CASZ1: variants seen among roughly 807,000 people sequenced by gnomAD.
CASZ1 encodes castor zinc finger 1, also known as zinc finger protein castor homolog 1.
A neutral mutation model predicts 135.2 loss-of-function variants in CASZ1; 28 were observed. That is an observed-to-expected ratio of 0.21 (90% CI 0.15 to 0.28). The LOEUF is 0.28. CASZ1 is among the 10% of genes least tolerant of loss of function. The probability of loss-of-function intolerance (pLI) is 1.00; values close to 1 mark genes in which losing one functional copy is unlikely to be tolerated. For missense variants in CASZ1, 2,161 were observed against 2,453.3 expected, an observed-to-expected ratio of 0.88 and a Z score of 2.52; for synonymous variants, 1,068 against 1,073.4, an observed-to-expected ratio of 0.99 and a Z score of 0.10.
intron 2 of CASZ1, among the ~76,000 whole-genome samples, chr1:10,712,543 G>A (rs879086435): frequency 6.6e-6 from 1 of 152,094 alleles, no homozygotes; most frequent in Non-Finnish European, 1.5e-5. Flanking sequence ...GCCAAGCCAG[G>A]GGGGTGGGTA....
At chr1:10,749,674 C>T (rs142576083) in intron 2 of CASZ1, among the ~76,000 whole-genome samples, 1 of 152,226 alleles carries the variant, frequency 6.6e-6, no homozygotes, top group Admixed American at 6.5e-5. Flanking sequence ...CTAAGTGGGG[C>T]CTCTTAATCT....
chr1:10,669,675 G>C (rs1009992598), intron 4 of CASZ1, among the ~76,000 whole-genome samples: 1 of 152,158 alleles, frequency 6.6e-6, no homozygotes, highest in Non-Finnish European at 1.5e-5. Flanking sequence ...GCCCCCTCCC[G>C]CAGGCATCCT....
rs1305163648 is a variant in CASZ1 at position 10,657,680 on chromosome 1, G to C, written c.1409+828C>G. ...CAGAGACAGAGCAGGACAGGGGATCGGAGACAGAGTGGGACGTGGAGGCGG... is the reference window on the plus strand; with the variant it reads ...CAGAGACAGAGCAGGACAGGGGATCCGAGACAGAGTGGGACGTGGAGGCGG... On this transcript the variant is annotated intron_variant, in intron 7 of 20. Coordinates refer to ENST00000377022, the MANE Select transcript of CASZ1 (RefSeq NM_001079843.3). This position sits in a 1 kb window ranked among gnomAD's most constrained non-coding sequence, Gnocchi z 5.7. Among the ~76,000 whole-genome samples the C allele has an allele frequency of 6.6e-6, 1 of 151,904 alleles. No individual in the cohort carries two copies. Among genetic ancestry groups the C allele is most frequent in the Non-Finnish European group, 1.5e-5 (1 of 67,974 alleles).
intron 9 of CASZ1, 53 bp from the exon 10 acceptor site, chr1:10,654,644 C>T (rs886292502): frequency 2.1e-5 from 33 of 1,562,500 alleles, no homozygotes; most frequent in East Asian, 1.1e-4. Flanking sequence ...GCTCCTGGGC[C>T]GAGGTCGACA....
rs1283982759 is a variant in CASZ1, at chr1:10,794,985, C to T, written c.-234+1579G>A. Among the ~76,000 whole-genome samples the T allele has an allele frequency of 2.0e-5, 3 of 151,786 alleles. No homozygotes were observed. The highest frequency in any genetic ancestry group is 4.4e-5 in the Non-Finnish European group (3 of 67,866). On this transcript the variant is annotated intron_variant, in intron 1 of 20. Coordinates refer to ENST00000377022, the MANE Select transcript of CASZ1 (RefSeq NM_001079843.3). The surrounding 1 kb of genome is among the most constrained non-coding windows in gnomAD (Gnocchi z 5.6). The stretch of plus-strand genomic sequence containing the variant: ...CCGCCCCCTCCCCTTCCAGACCCGG[C>T]TGCCCGGCCCGCCAGCTCCCGGCAG...
chr1:10,720,936 A>G lies in CASZ1; in HGVS notation c.-76-15392T>C, dbSNP rs1177596506. Among the ~76,000 whole-genome samples the G allele has an allele frequency of 6.6e-6, 1 of 152,086 alleles. No individual in the cohort carries two copies. The highest frequency in any genetic ancestry group is 1.9e-4 in the East Asian group (1 of 5,166). On this transcript the variant is annotated intron_variant, in intron 2 of 20. Transcript: ENST00000377022. This position sits in a 1 kb window ranked among gnomAD's most constrained non-coding sequence, Gnocchi z 5.7. The stretch of plus-strand genomic sequence containing the variant: ...CACCCGACCTCATGCCCTGCCTACC[A>G]CCCACCGTCCCAGGGAAGTTCACCC...
chr1:10,777,782 T>G lies in CASZ1; in HGVS notation c.-233-16925A>C, dbSNP rs1640687284. Among the ~76,000 whole-genome samples the G allele has an allele frequency of 6.6e-6, 1 of 150,674 alleles. No homozygotes were observed. Among genetic ancestry groups the G allele is most frequent in the South Asian group, 2.1e-4 (1 of 4,764 alleles). ...TACACACCCACTCACATAATCCACA[T>G]AAAATCACACACAATCTTATATACA... On this transcript the variant is annotated intron_variant, in intron 1 of 20. Coordinates refer to ENST00000377022, the MANE Select transcript of CASZ1 (RefSeq NM_001079843.3). The surrounding 1 kb of genome is among the most constrained non-coding windows in gnomAD (Gnocchi z 4.4).
rs166911 is a variant in CASZ1 at position 10,717,725 on chromosome 1, G to A, written c.-76-12181C>T. ...CCCCCCAACTGATGTCAGAGCTGCC[G>A]GCACCCTGAACTCGGTCCCAGGGCG... On this transcript the variant is annotated intron_variant, in intron 2 of 20. Transcript: ENST00000377022. The surrounding 1 kb of genome is among the most constrained non-coding windows in gnomAD (Gnocchi z 4.6). Among the ~76,000 whole-genome samples, 19,257 of 151,998 alleles carry A rather than the reference G, an allele frequency of 0.13. 1,621 individuals are homozygous for A. The highest frequency in any genetic ancestry group is 0.23 in the African/African-American group (9,456 of 41,416).
intron 1 of CASZ1, among the ~76,000 whole-genome samples, chr1:10,789,821 G>C (rs1640923408): frequency 6.6e-6 from 1 of 152,170 alleles, no homozygotes; most frequent in African/African-American, 2.4e-5. Context: ...CTTTGAACAG[G>C]GGGAACAGGA....
At chr1:10,686,097 C>G (rs1423837445) in intron 4 of CASZ1, among the ~76,000 whole-genome samples, 1 of 152,122 alleles carries the variant, frequency 6.6e-6, no homozygotes, top group Non-Finnish European at 1.5e-5. Flanking sequence ...CCACCTGACC[C>G]CTTCCCAGGA....
rs1031174361 is a variant in CASZ1, at chr1:10,727,528, G to C, written c.-76-21984C>G. Among the ~76,000 whole-genome samples the C allele has an allele frequency of 6.6e-6, 1 of 152,126 alleles. No homozygotes were observed. Among genetic ancestry groups the C allele is most frequent in the Admixed American group, 6.5e-5 (1 of 15,276 alleles). ...CTCTGAAAGTTGGGAAGCTTTTACGGTTCTGTCCTGAAGGACTCTCTTCCT... is the reference window on the plus strand; with the variant it reads ...CTCTGAAAGTTGGGAAGCTTTTACGCTTCTGTCCTGAAGGACTCTCTTCCT... On this transcript the variant is annotated intron_variant, in intron 2 of 20. Coordinates refer to ENST00000377022, the MANE Select transcript of CASZ1 (RefSeq NM_001079843.3). The surrounding 1 kb of genome is among the most constrained non-coding windows in gnomAD (Gnocchi z 5.3).
chr1:10,743,025 G>C (rs1639955420), intron 2 of CASZ1, among the ~76,000 whole-genome samples: 1 of 152,066 alleles, frequency 6.6e-6, no homozygotes, highest in Non-Finnish European at 1.5e-5. Flanking sequence ...AAGAAGCCTG[G>C]GCCAGTTCCT....
chr1:10,693,600 C>T (rs1344753834), intron 4 of CASZ1, among the ~76,000 whole-genome samples: 4 of 151,362 alleles, frequency 2.6e-5, no homozygotes, highest in Non-Finnish European at 5.9e-5. Context: ...CCCCCTAAAT[C>T]CTCTCTCTGG....
rs893670335 is a variant in CASZ1 at position 10,756,474 on chromosome 1, C to T, written c.-77+4227G>A. On this transcript the variant is annotated intron_variant, in intron 2 of 20. Coordinates refer to ENST00000377022, the MANE Select transcript of CASZ1 (RefSeq NM_001079843.3). The surrounding 1 kb of genome is among the most constrained non-coding windows in gnomAD (Gnocchi z 5.9). ...CCGGCAGCCGGCTGTGACAGCTTCA[C>T]GCTCGCCAACCAGGCCTCTGGCTTG... 2.0e-5 allele frequency among the ~76,000 whole-genome samples: 3 copies of T among 152,366 alleles called. No homozygotes were observed. The highest frequency in any genetic ancestry group is 2.1e-4 in the South Asian group (1 of 4,828).
rs990745778 is a variant in CASZ1, at chr1:10,706,484, A to G, written c.-76-940T>C. Reference sequence around the variant, plus strand: ...ATTTGTGGCTTATCAATGATGCAAGAGGAATAACACCAATTTCCTTAGGCT... The same window carrying G: ...ATTTGTGGCTTATCAATGATGCAAGGGGAATAACACCAATTTCCTTAGGCT... On this transcript the variant is annotated intron_variant, in intron 2 of 20. Transcript: ENST00000377022. This position sits in a 1 kb window ranked among gnomAD's most constrained non-coding sequence, Gnocchi z 4.3. Among the ~76,000 whole-genome samples the G allele has an allele frequency of 6.6e-6, 1 of 152,174 alleles. No individual in the cohort carries two copies. Among genetic ancestry groups the G allele is most frequent in the African/African-American group, 2.4e-5 (1 of 41,432 alleles).
chr1:10,693,392 C>T (rs749551038), intron 4 of CASZ1, among the ~76,000 whole-genome samples: 2 of 151,396 alleles, frequency 1.3e-5, no homozygotes, highest in Non-Finnish European at 2.9e-5. Context: ...ACCAGACTAA[C>T]CACCTTTCCC....
chr1:10,662,740 ACACT>A (rs1483743032), intron 5 of CASZ1, among the ~76,000 whole-genome samples: 17 of 152,098 alleles, frequency 1.1e-4, no homozygotes, highest in Admixed American at 4.6e-4. Context: ...CAGACACCAC[ACACT>A]CACACACCTC....
chr1:10,740,740 G>A (rs1300259644), intron 2 of CASZ1, among the ~76,000 whole-genome samples: 1 of 152,152 alleles, frequency 6.6e-6, no homozygotes, highest in African/African-American at 2.4e-5. Flanking sequence ...CTTGAGGCCA[G>A]GAGTTCAAGA....
Position 10,700,290 on chromosome 1 carries a change from A to C in CASZ1, c.-24+5202T>G, listed in dbSNP as rs1010423029. On this transcript the variant is annotated intron_variant, in intron 3 of 20. Transcript: ENST00000377022. The surrounding 1 kb of genome is among the most constrained non-coding windows in gnomAD (Gnocchi z 4.2). ...CTCATTTTAAGCTCTGAAACCACTT[A>C]GGTTTCTCTGGCTACTTCAGTTACC... Among the ~76,000 whole-genome samples, 1 of 152,194 alleles carries C rather than the reference A, an allele frequency of 6.6e-6. No individual in the cohort carries two copies. The highest frequency in any genetic ancestry group is 6.5e-5 in the Admixed American group (1 of 15,292).
Sources: allele counts gnomAD v4.1 joint callset (sites outside exome capture counted in the v4.1 genomes callset), GRCh38; gene constraint gnomAD v4.1.1; non-coding constraint Gnocchi (gnomAD v3.1); transcripts MANE v1.5; gene names NCBI Gene and HGNC (gene_info 2026-07-23, HGNC 2026-07-21).